The following STX6 variants were observed in gnomAD, a reference collection of about 807,000 sequenced individuals.
STX6 encodes the protein syntaxin-6.
Under a neutral mutation model 38.0 loss-of-function variants are expected in STX6, and 23 were observed. The ratio of observed to expected loss-of-function variants is 0.60; its 90% CI spans 0.43 to 0.86. The LOEUF (loss-of-function observed/expected upper bound fraction) is 0.86, where lower values mean the gene tolerates loss of function less well. Ranked by LOEUF, STX6 falls within the 40% of genes least tolerant of loss-of-function variation. The pLI is 0.00. For missense variants in STX6, 274 were observed against 312.9 expected (o/e 0.88, Z 0.94); for synonymous variants, 123 against 107.5 (o/e 1.14, Z -0.89).
intron 6 of STX6, 175 bp downstream of exon 6, chr1:180,988,064 G>A (rs955392854): frequency 8.3e-6 from 4 of 481,268 alleles, no homozygotes; most frequent in Non-Finnish European, 1.5e-5. Context: ...TAAAATTTAC[G>A]AAGTAGAATT....
At chr1:180,976,971 T>C (rs1168523155) in intron 7 of STX6, among the ~76,000 whole-genome samples, 1 of 152,244 alleles carries the variant, frequency 6.6e-6, no homozygotes, top group Non-Finnish European at 1.5e-5. Flanking sequence ...GTGTTGGCAA[T>C]GGTGTTACAG....
At chr1:181,018,130 A>G (rs1656616633) in intron 1 of STX6, among the ~76,000 whole-genome samples, 1 of 152,158 alleles carries the variant, frequency 6.6e-6, no homozygotes, top group African/African-American at 2.4e-5. Flanking sequence ...CATGCCTATA[A>G]TCCCAACACT....
At chr1:181,002,158 C>T (rs1057391046) in intron 3 of STX6, among the ~76,000 whole-genome samples, 4 of 152,030 alleles carry the variant, frequency 2.6e-5, no homozygotes, top group Admixed American at 2.0e-4. Flanking sequence ...AGATTAAAAA[C>T]AGATTTCTTT....
intron 1 of STX6, among the ~76,000 whole-genome samples, chr1:181,018,251 C>A (rs1016639859): frequency 2.0e-5 from 3 of 151,398 alleles, no homozygotes; most frequent in African/African-American, 7.3e-5. Context: ...GGCATAGTGG[C>A]GCACATTGGT....
At chr1:180,988,453 T>C in intron 5 of STX6, 108 bp from the exon 6 acceptor site, 1 of 782,806 alleles carries the variant, frequency 1.3e-6, no homozygotes, top group South Asian at 1.5e-5. Flanking sequence ...ACAATTCACA[T>C]TCAGAAGCAA....
rs937780010 is a variant in STX6 at position 180,973,980 on chromosome 1, T to C, written c.*2590A>G. On this transcript the variant is annotated 3_prime_UTR_variant, in exon 8 of 8. Coordinates refer to ENST00000258301, the MANE Select transcript of STX6 (RefSeq NM_005819.6). ...CCCAAATACTATAAAGATGCACTTATAAGCAGTGTGGGGTTATCACCACTG... is the reference window on the plus strand; with the variant it reads ...CCCAAATACTATAAAGATGCACTTACAAGCAGTGTGGGGTTATCACCACTG... 2.0e-5 allele frequency: 3 copies of C among 152,218 alleles called. No homozygotes were observed. The highest frequency in any genetic ancestry group is 2.0e-4 in the Admixed American group (3 of 15,286). The allele number at this position is 152,218 out of a possible 1,614,324, so 9.4% of individuals were successfully genotyped here.
At chr1:181,004,785 G>A (rs971390090) in intron 2 of STX6, among the ~76,000 whole-genome samples, 4 of 151,934 alleles carry the variant, frequency 2.6e-5, no homozygotes, top group African/African-American at 9.7e-5. Context: ...CAATTTATAC[G>A]TGGTCAGTTG....
chr1:180,983,440 A>G (rs1304452025), intron 7 of STX6, among the ~76,000 whole-genome samples: 4 of 152,210 alleles, frequency 2.6e-5, no homozygotes, highest in African/African-American at 4.8e-5. Flanking sequence ...AAGAAGAGAT[A>G]CTGGATTTTT....
chr1:181,012,834 C>A (rs1656446269), intron 1 of STX6, among the ~76,000 whole-genome samples: 1 of 151,942 alleles, frequency 6.6e-6, no homozygotes, highest in Admixed American at 6.6e-5. Flanking sequence ...ACCACCACGC[C>A]CGGCTAATTT....
intron 6 of STX6, among the ~76,000 whole-genome samples, chr1:180,987,325 C>T (rs1655616952): frequency 6.6e-6 from 1 of 152,232 alleles, no homozygotes; most frequent in Non-Finnish European, 1.5e-5. Context: ...AGTCAGGGCT[C>T]TCCAGGCAGC....
At chr1:180,985,372 C>G (rs771332624) in intron 6 of STX6, among the ~76,000 whole-genome samples, 26 of 152,358 alleles carry the variant, frequency 1.7e-4, no homozygotes, top group Middle Eastern at 6.8e-3. Context: ...GCAATCCTAT[C>G]AGCTCAACTT....
At chr1:180,985,144 GA>G (rs34435062) in intron 6 of STX6, among the ~76,000 whole-genome samples, 84,588 of 150,236 alleles carry the variant, frequency 0.56, 23,951 homozygotes, top group East Asian at 0.63. Context: ...CAAATTTAAA[GA>G]AAAAAAAAAC....
At chr1:181,022,513 G>T (rs1571362020) in intron 1 of STX6, 126 bp downstream of exon 1, 2 of 943,348 alleles carry the variant, frequency 2.1e-6, no homozygotes, top group Non-Finnish European at 3.3e-6. Flanking sequence ...AGACTAAGCC[G>T]TCTCCACTGT....
At chr1:180,987,275 G>C (rs1655615628) in intron 6 of STX6, among the ~76,000 whole-genome samples, 1 of 152,174 alleles carries the variant, frequency 6.6e-6, no homozygotes, top group Admixed American at 6.5e-5. Flanking sequence ...ACATCCTTCA[G>C]ATTTCAGTTA....
chr1:180,994,050 G>A (rs1348896291), intron 3 of STX6, among the ~76,000 whole-genome samples: 1 of 152,106 alleles, frequency 6.6e-6, no homozygotes, highest in Non-Finnish European at 1.5e-5. Flanking sequence ...TTTCCAGAGT[G>A]GTGTCAAAAA....
chr1:180,992,753 T>A (rs540660115), intron 4 of STX6, among the ~76,000 whole-genome samples: 1 of 152,242 alleles, frequency 6.6e-6, no homozygotes. Context: ...AGAAAGGAGC[T>A]TCTATCAATA....
intron 1 of STX6, among the ~76,000 whole-genome samples, chr1:181,007,677 A>C (rs1012274092): frequency 6.6e-6 from 1 of 152,194 alleles, no homozygotes; most frequent in South Asian, 2.1e-4. Flanking sequence ...TCTAAGTAGC[A>C]ATCTATGAAC....
At chr1:180,981,479 C>G (rs1020582810) in intron 7 of STX6, among the ~76,000 whole-genome samples, 6 of 152,180 alleles carry the variant, frequency 3.9e-5, no homozygotes, top group Non-Finnish European at 1.5e-5. Context: ...ACCTCACACA[C>G]TCCTATGTTT....
chr1:180,979,080 T>C (rs781339756), intron 7 of STX6, among the ~76,000 whole-genome samples: 2 of 151,822 alleles, frequency 1.3e-5, no homozygotes, highest in African/African-American at 4.8e-5. Flanking sequence ...CAAGAACACA[T>C]GGATAATGTA....
Sources: allele counts gnomAD v4.1 joint callset (sites outside exome capture counted in the v4.1 genomes callset), GRCh38; gene constraint gnomAD v4.1.1; transcripts MANE v1.5; gene names NCBI Gene and HGNC (gene_info 2026-07-23, HGNC 2026-07-21).